MGA: variants seen among roughly 807,000 people sequenced by gnomAD.
The protein encoded by MGA is MAX dimerization protein MGA, also known as MAX gene-associated protein.
Under a neutral mutation model 261.1 loss-of-function variants are expected in MGA, and 40 were observed. The observed-to-expected ratio is 0.15, with a 90% CI of 0.12 to 0.20. The LOEUF is 0.20. Among genes scored for constraint, MGA ranks in the 10% least tolerant of loss-of-function variants. The pLI, the probability that MGA is intolerant of heterozygous loss-of-function variation, is 1.00. For missense variants in MGA, 3,397 were observed against 3,630.5 expected, an observed-to-expected ratio of 0.94 and a Z score of 1.65; for synonymous variants, 1,302 against 1,290.6, an observed-to-expected ratio of 1.01 and a Z score of -0.19.
chr15:41,631,436 G>T (rs2056586099), intron 1 of MGA, among the ~76,000 whole-genome samples: 1 of 152,192 alleles, frequency 6.6e-6, no homozygotes, highest in African/African-American at 2.4e-5. Context: ...GGGAAGCCAA[G>T]GAAGGAGGAT....
At chr15:41,651,760 T>C (rs1595572931) in intron 1 of MGA, among the ~76,000 whole-genome samples, 2 of 28,348 alleles carry the variant, frequency 7.1e-5, no homozygotes, top group Admixed American at 4.2e-4. Context: ...CCCCTCCTCC[T>C]CTCCCCTCCC....
At chr15:41,663,630 C>A (rs779328697) in intron 1 of MGA, among the ~76,000 whole-genome samples, 2 of 151,952 alleles carry the variant, frequency 1.3e-5, no homozygotes, top group African/African-American at 2.4e-5. Flanking sequence ...ACACGACGCC[C>A]GGCTAATTTT....
intron 13 of MGA, among the ~76,000 whole-genome samples, chr15:41,738,029 C>T (rs1452664430): frequency 2.0e-5 from 3 of 151,710 alleles, no homozygotes; most frequent in African/African-American, 7.3e-5. Flanking sequence ...GTGGAAGTGT[C>T]TGATATTATT....
At chr15:41,654,897 T>C (rs1165071908) in intron 1 of MGA, among the ~76,000 whole-genome samples, 2 of 152,244 alleles carry the variant, frequency 1.3e-5, no homozygotes, top group African/African-American at 2.4e-5. Flanking sequence ...TTTTTTCTTG[T>C]AGATGAATAT....
At chr15:41,658,046 T>G (rs1218089698), upstream of MGA, among the ~76,000 whole-genome samples, 5 of 152,240 alleles carry the variant, frequency 3.3e-5, no homozygotes, top group African/African-American at 9.6e-5. Flanking sequence ...AGGAAAAGTG[T>G]GCATGTAAAT....
chr15:41,734,413 C>T, intron 11 of MGA, 109 bp from the exon 12 acceptor site: 1 of 836,576 alleles, frequency 1.2e-6, no homozygotes, highest in Non-Finnish European at 1.9e-6. Flanking sequence ...ACATTTCAGT[C>T]ATTCTAATGA....
At chr15:41,649,304 C>A (rs1338711054) in intron 1 of MGA, among the ~76,000 whole-genome samples, 7 of 151,546 alleles carry the variant, frequency 4.6e-5, no homozygotes, top group African/African-American at 1.7e-4. Context: ...TCGCTTGAAC[C>A]TGGGTGGCAG....
intron 1 of MGA, among the ~76,000 whole-genome samples, chr15:41,642,586 C>T (rs985296179): frequency 2.6e-5 from 4 of 152,010 alleles, no homozygotes; most frequent in Non-Finnish European, 5.9e-5. Context: ...CAGGTTCAAG[C>T]GATTCTCCTG....
At position 41,696,361 on chromosome 15, in the gene MGA, T is replaced by C; in HGVS notation, c.1351T>C (p.Ser451Pro). 1 of 1,613,950 alleles carries C rather than the reference T, an allele frequency of 6.2e-7. No individual in the cohort carries two copies. The highest frequency in any genetic ancestry group is 1.1e-5 in the South Asian group (1 of 91,082). The change falls in exon 3 of 24, where the codon TCA becomes CCA. Residue 451 changes from serine (S) to proline (P), a missense_variant. This residue lies in a region of MGA where 563 missense variants were observed against 563.6 expected (regional missense o/e 1.00). Transcript: ENST00000219905. Reference sequence around the variant, plus strand: ...TTCTAAATGGCTTCCAAGCAGCCCATCAGGTGTTGCTAAAGCTAAAATGTT... The same window carrying C: ...TTCTAAATGGCTTCCAAGCAGCCCACCAGGTGTTGCTAAAGCTAAAATGTT...
chr15:41,732,305 G>A (rs1245770551), intron 11 of MGA, among the ~76,000 whole-genome samples: 14 of 151,952 alleles, frequency 9.2e-5, no homozygotes, highest in Non-Finnish European at 1.5e-4. Flanking sequence ...CCGCCACCAC[G>A]CCCGGCTAAT....
At chr15:41,701,359 C>T (rs1012453468) in intron 5 of MGA, among the ~76,000 whole-genome samples, 1 of 152,088 alleles carries the variant, frequency 6.6e-6, no homozygotes, top group Admixed American at 6.6e-5. Flanking sequence ...TAAATATATT[C>T]AGTGCTTGCA....
In MGA at chr15:41,735,205, G is replaced by A. The variant is rs114269201; in HGVS notation, c.3916+611G>A. Among the ~76,000 whole-genome samples, 857 of 152,300 alleles carry A rather than the reference G, an allele frequency of 5.6e-3. 9 individuals are homozygous for A. Among genetic ancestry groups the A allele is most frequent in the African/African-American group, 0.02 (825 of 41,560 alleles). ...GGGTGGAGGGAACCTGCCTGAGAGC[G>A]TGAGCACCCTGAGGATTATGGGGGC... On this transcript the variant is annotated intron_variant, in intron 12 of 23. Transcript: ENST00000219905.
At chr15:41,640,086 G>T (rs2056791193) in intron 1 of MGA, among the ~76,000 whole-genome samples, 1 of 152,162 alleles carries the variant, frequency 6.6e-6, no homozygotes, top group Non-Finnish European at 1.5e-5. Flanking sequence ...CAGGCTTCAT[G>T]AAAATACTCG....
intron 1 of MGA, among the ~76,000 whole-genome samples, chr15:41,641,487 CTTTTTTTT>C (rs35157141): frequency 8.1e-6 from 1 of 123,690 alleles, no homozygotes; most frequent in African/African-American, 3.0e-5. Context: ...CATCCTAACA[CTTTTTTTT>C]TTTTTTTTTT....
At chr15:41,722,468 AC>A (rs2061000222) in intron 9 of MGA, among the ~76,000 whole-genome samples, 1 of 152,026 alleles carries the variant, frequency 6.6e-6, no homozygotes, top group Non-Finnish European at 1.5e-5. Context: ...TAGGTGTTAT[AC>A]TTTGACATTC....
At chr15:41,757,945 G>A in intron 19 of MGA, 106 bp downstream of exon 19, 1 of 882,182 alleles carries the variant, frequency 1.1e-6, no homozygotes, top group South Asian at 1.7e-5. Context: ...TTTTCTCAGG[G>A]CTATTTTTGC....
Position 41,713,979 on chromosome 15 carries a change from G to GT in MGA, c.3430+492dup, listed in dbSNP as rs199904788. 3.6e-3 allele frequency among the ~76,000 whole-genome samples: 546 copies of GT among 151,168 alleles called. 1 individual carries two copies. The highest frequency in any genetic ancestry group is 6.9e-3 in the African/African-American group (286 of 41,188). On this transcript the variant is annotated intron_variant, in intron 9 of 23. Transcript: ENST00000219905. Reference sequence around the variant, plus strand: ...CATCATGTACTGTGTTGAAAATTGGGTTTTTTTTTGGTGGGAGAGGATAAA... The same window carrying GT: ...CATCATGTACTGTGTTGAAAATTGGGTTTTTTTTTTGGTGGGAGAGGATAAA...
chr15:41,645,927 G>C (rs1379064571), intron 1 of MGA, among the ~76,000 whole-genome samples: 1 of 152,122 alleles, frequency 6.6e-6, no homozygotes, highest in Non-Finnish European at 1.5e-5. Context: ...TCACTGTTTT[G>C]CTATTTGACT....
Position 41,708,089 on chromosome 15 carries a change from CT to C in MGA, c.2321-10del. 2 of 1,550,236 alleles carry C rather than the reference CT, an allele frequency of 1.3e-6. No homozygotes were observed. Among genetic ancestry groups the C allele is most frequent in the Non-Finnish European group, 1.7e-6 (2 of 1,149,564 alleles). On this transcript the variant is annotated splice_polypyrimidine_tract_variant and intron_variant, in intron 6 of 23. Transcript: ENST00000219905. ...GCTAGAATTTTGGTCATCTGTTTGA[CT>C]TTTTCTTTTATAGATGCGGGATTTC...
Sources: gnomAD v4.1 joint callset for allele counts (sites outside exome capture counted in the v4.1 genomes callset) on GRCh38, gnomAD v4.1.1 for gene constraint, gnomAD v4.1.1 regional missense constraint, MANE v1.5 for transcripts, NCBI Gene and HGNC (gene_info 2026-07-23, HGNC 2026-07-21) for gene names.